Variants in CDH18 observed in about 807,000 individuals in gnomAD.
The protein encoded by CDH18 is cadherin 18, also known as cadherin-18.
CDH18 carries 31 observed loss-of-function variants against 67.9 expected under a neutral mutation model. That is an observed-to-expected ratio of 0.46 (90% CI 0.34 to 0.62). CDH18 has a LOEUF of 0.62. Ranked by LOEUF, CDH18 falls within the 20% of genes least tolerant of loss-of-function variation. The pLI is 0.01. For missense variants in CDH18, 890 were observed against 975.5 expected, an observed-to-expected ratio of 0.91 and a Z score of 1.17; for synonymous variants, 362 against 347.2, an observed-to-expected ratio of 1.04 and a Z score of -0.48.
At chr5:19,593,707 C>CCTCCTCCTTCTTCTTCTTCTTCTTCTT in intron 6 of CDH18, among the ~76,000 whole-genome samples, 54 of 33,376 alleles carry the variant, frequency 1.6e-3, no homozygotes, top group African/African-American at 5.1e-3. Flanking sequence ...TCCTCCTCCT[C>CCTCCTCCTTCTTCTTCTTCTTCTTCTT]CTTCTTCTTC....
At chr5:20,118,231 G>T (rs931862389) in intron 2 of CDH18, among the ~76,000 whole-genome samples, 1 of 152,098 alleles carries the variant, frequency 6.6e-6, no homozygotes, top group African/African-American at 2.4e-5. Context: ...AAGCGTTGCA[G>T]CAGTAAAGGA....
intron 2 of CDH18, among the ~76,000 whole-genome samples, chr5:19,952,300 C>T (rs1421005437): frequency 1.3e-5 from 2 of 152,148 alleles, no homozygotes; most frequent in Non-Finnish European, 2.9e-5. Context: ...CTGCTGGCTT[C>T]GGCCTCCCAA....
At position 20,005,888 on chromosome 5, in the gene CDH18, C is replaced by A. The variant is rs563138353; in HGVS notation, c.-517-13874G>T. ...TCATGGATTGATTTCTATGATTAGA[C>A]GTGTTTGGAGAACGACCATTAGCAC... On this transcript the variant is annotated intron_variant, in intron 2 of 14. Coordinates refer to the CDH18 transcript ENST00000507958. 1.5e-4 allele frequency among the ~76,000 whole-genome samples: 23 copies of A among 152,014 alleles called. No individual in the cohort carries two copies. The South Asian group carries it at 2.3e-3, about 15-fold the overall frequency.
chr5:19,961,570 AC>A lies in CDH18; in HGVS notation c.-257+19489del, dbSNP rs562713324. 2.6e-3 allele frequency among the ~76,000 whole-genome samples: 392 copies of A among 152,172 alleles called. 3 individuals are homozygous for A. The highest frequency in any genetic ancestry group is 9.2e-3 in the African/African-American group (380 of 41,492). On this transcript the variant is annotated intron_variant, in intron 2 of 12. Transcript: ENST00000382275. ...AGTGTACCCACTTCAGCACAATGTCACCAGCACTGGATTTTGTTTCACATTG... is the reference window on the plus strand; with the variant it reads ...AGTGTACCCACTTCAGCACAATGTCACAGCACTGGATTTTGTTTCACATTG...
At chr5:20,188,659 C>T (rs545405606) in intron 2 of CDH18, among the ~76,000 whole-genome samples, 1 of 151,918 alleles carries the variant, frequency 6.6e-6, no homozygotes. Flanking sequence ...AATAGTGGGA[C>T]TGACATTTTA....
At chr5:19,626,630 G>A (rs1435124527) in intron 5 of CDH18, among the ~76,000 whole-genome samples, 2 of 151,982 alleles carry the variant, frequency 1.3e-5, no homozygotes, top group African/African-American at 2.4e-5. Flanking sequence ...TTGAATCCAG[G>A]CACTATTCTA....
intron 10 of CDH18, among the ~76,000 whole-genome samples, chr5:19,514,928 A>G (rs1167476895): frequency 6.6e-6 from 1 of 152,168 alleles, no homozygotes; most frequent in South Asian, 2.1e-4. Flanking sequence ...GCCCATGCCT[A>G]TGTCCTGAAT....
chr5:20,511,255 G>C (rs955964643), intron 1 of CDH18, among the ~76,000 whole-genome samples: 1 of 152,104 alleles, frequency 6.6e-6, no homozygotes, highest in Non-Finnish European at 1.5e-5. Flanking sequence ...TCATTAGATA[G>C]ATATTTCAAA....
At chr5:20,029,283 G>A (rs940808963) in intron 2 of CDH18, among the ~76,000 whole-genome samples, 4 of 152,098 alleles carry the variant, frequency 2.6e-5, no homozygotes, top group African/African-American at 7.2e-5. Context: ...GAGATTCTTC[G>A]TGGTCAGAAA....
chr5:19,898,842 A>G (rs1001547742), intron 2 of CDH18, among the ~76,000 whole-genome samples: 3 of 152,178 alleles, frequency 2.0e-5, no homozygotes, highest in Non-Finnish European at 2.9e-5. Context: ...GGCACAGCAA[A>G]GGAAACAATC....
chr5:19,885,474 C>T (rs759189390), intron 2 of CDH18, among the ~76,000 whole-genome samples: 2 of 152,136 alleles, frequency 1.3e-5, no homozygotes, highest in Non-Finnish European at 2.9e-5. Context: ...TAAAATACAT[C>T]GGTTAAAAAA....
chr5:20,488,353 A>C (rs1753342325), intron 1 of CDH18, among the ~76,000 whole-genome samples: 1 of 152,108 alleles, frequency 6.6e-6, no homozygotes, highest in African/African-American at 2.4e-5. Context: ...GTACCCTTTT[A>C]AGACATTTCT....
At chr5:20,336,549 C>T (rs1482277490) in intron 1 of CDH18, among the ~76,000 whole-genome samples, 1 of 151,738 alleles carries the variant, frequency 6.6e-6, no homozygotes, top group East Asian at 2.0e-4. Context: ...GTTGAAACCC[C>T]GTCTATACTA....
At chr5:19,498,192 T>C (rs147093933) in intron 11 of CDH18, among the ~76,000 whole-genome samples, 181 of 152,262 alleles carry the variant, frequency 1.2e-3, no homozygotes, top group Non-Finnish European at 2.0e-3. Flanking sequence ...TCCTTATTAA[T>C]ACTATACATC....
intron 2 of CDH18, among the ~76,000 whole-genome samples, chr5:19,963,674 A>C (rs747986373): frequency 6.6e-6 from 1 of 152,030 alleles, no homozygotes; most frequent in African/African-American, 2.4e-5. Context: ...GCCATGCTGA[A>C]CTGTGAGTCA....
chr5:19,948,629 T>C (rs994639294), intron 2 of CDH18, among the ~76,000 whole-genome samples: 2 of 152,232 alleles, frequency 1.3e-5, no homozygotes, highest in East Asian at 1.9e-4. Context: ...CAAAGTTGCA[T>C]AGAACTATAT....
intron 1 of CDH18, among the ~76,000 whole-genome samples, chr5:20,409,170 G>A (rs1746553296): frequency 6.6e-6 from 1 of 151,748 alleles, no homozygotes; most frequent in Non-Finnish European, 1.5e-5. Context: ...TAGAGCGAAT[G>A]AACCTAACAG....
chr5:20,005,310 G>T (rs1561705689), intron 2 of CDH18, among the ~76,000 whole-genome samples: 1 of 151,722 alleles, frequency 6.6e-6, no homozygotes, highest in Non-Finnish European at 1.5e-5. Flanking sequence ...TGCATAACTT[G>T]CCATATTATC....
intron 1 of CDH18, among the ~76,000 whole-genome samples, chr5:20,420,284 T>C (rs770067049): frequency 6.6e-6 from 1 of 151,104 alleles, no homozygotes; most frequent in Non-Finnish European, 1.5e-5. Context: ...TTTACAAACT[T>C]TGGGCACTTG....
Sources: gnomAD v4.1 joint callset for allele counts (sites outside exome capture counted in the v4.1 genomes callset) on GRCh38, gnomAD v4.1.1 for gene constraint, MANE v1.5 for transcripts, NCBI Gene and HGNC (gene_info 2026-07-23, HGNC 2026-07-21) for gene names.